COL23A1: variants seen among roughly 807,000 people sequenced by gnomAD.
COL23A1 encodes the protein collagen alpha-1(XXIII) chain.
COL23A1 carries 97 observed loss-of-function variants against 99.3 expected under a neutral mutation model. That is an observed-to-expected ratio of 0.98 (90% CI 0.83 to 1.16). The LOEUF (loss-of-function observed/expected upper bound fraction) is 1.16, where lower values mean the gene tolerates loss of function less well. COL23A1 is among the 50% of genes most tolerant of loss of function. The pLI is 0.00. For synonymous variants in COL23A1, 320 were observed against 308.2 expected (o/e 1.04, Z -0.40); for missense variants, 762 against 757.4 (o/e 1.01, Z -0.07).
chr5:178,508,418 T>C (rs1329106063), intron 2 of COL23A1, among the ~76,000 whole-genome samples: 1 of 152,212 alleles, frequency 6.6e-6, no homozygotes, highest in African/African-American at 2.4e-5. Flanking sequence ...GACAAGTAGT[T>C]GTTCATTGAA....
chr5:178,358,583 ATGTGTG>A (rs764844753), intron 2 of COL23A1, among the ~76,000 whole-genome samples: 1 of 139,492 alleles, frequency 7.2e-6, no homozygotes, highest in African/African-American at 2.7e-5. Context: ...GTGTATGTGT[ATGTGTG>A]TGTATGTGTA....
chr5:178,349,154 GC>G (rs1761159185), intron 2 of COL23A1, among the ~76,000 whole-genome samples: 1 of 152,180 alleles, frequency 6.6e-6, no homozygotes. Flanking sequence ...ATTGTTACCA[GC>G]CCCTCATCTG....
chr5:178,300,989 T>C (rs973584467), intron 3 of COL23A1, among the ~76,000 whole-genome samples: 6 of 151,712 alleles, frequency 4.0e-5, no homozygotes, highest in Non-Finnish European at 7.4e-5. Context: ...TTCTTCAAAA[T>C]TGAGAAGATT....
chr5:178,333,204 C>T (rs1233786090), intron 2 of COL23A1, among the ~76,000 whole-genome samples: 1 of 152,198 alleles, frequency 6.6e-6, no homozygotes, highest in Admixed American at 6.5e-5. Context: ...GATCCACCCA[C>T]CTCGGCCTCC....
At chr5:178,422,386 C>T (rs1183121966) in intron 2 of COL23A1, among the ~76,000 whole-genome samples, 1 of 152,212 alleles carries the variant, frequency 6.6e-6, no homozygotes, top group Non-Finnish European at 1.5e-5. Flanking sequence ...CGATGTCAGC[C>T]TTGACAGTAA....
chr5:178,510,873 T>G (rs918861781), intron 2 of COL23A1, among the ~76,000 whole-genome samples: 1 of 152,138 alleles, frequency 6.6e-6, no homozygotes, highest in African/African-American at 2.4e-5. Context: ...AAATGCCACA[T>G]GCTGAAGCGT....
chr5:178,521,224 T>C (rs1468584711), intron 2 of COL23A1, among the ~76,000 whole-genome samples: 1 of 152,206 alleles, frequency 6.6e-6, no homozygotes, highest in Non-Finnish European at 1.5e-5. Flanking sequence ...AATGTGGTTA[T>C]GGGGCACATG....
chr5:178,272,001 C>T (rs188194280), intron 5 of COL23A1, among the ~76,000 whole-genome samples: 38 of 152,332 alleles, frequency 2.5e-4, no homozygotes, highest in African/African-American at 8.2e-4. Flanking sequence ...TGGCTGAGGA[C>T]GGACTCCCAG....
chr5:178,447,460 C>T (rs376188668), intron 2 of COL23A1, among the ~76,000 whole-genome samples: 2 of 152,190 alleles, frequency 1.3e-5, no homozygotes, highest in East Asian at 3.8e-4. Context: ...GATTATAATA[C>T]CATATTTTTA....
chr5:178,502,521 C>T (rs369652865), intron 2 of COL23A1, among the ~76,000 whole-genome samples: 26 of 152,144 alleles, frequency 1.7e-4, no homozygotes, highest in East Asian at 1.2e-3. Flanking sequence ...CCTTAGTAAT[C>T]AGAGAAACTC....
At chr5:178,533,758 A>G (rs1216499870) in intron 2 of COL23A1, among the ~76,000 whole-genome samples, 5 of 152,124 alleles carry the variant, frequency 3.3e-5, no homozygotes, top group Admixed American at 3.3e-4. Flanking sequence ...CAGCCTCCCA[A>G]AGTGCTGGGA....
At chr5:178,435,509 C>G (rs1022673201) in intron 2 of COL23A1, among the ~76,000 whole-genome samples, 4 of 152,236 alleles carry the variant, frequency 2.6e-5, no homozygotes, top group Non-Finnish European at 5.9e-5. Context: ...CTCACAGCAG[C>G]TGCCATGGTG....
At chr5:178,436,183 G>T (rs530918143) in intron 2 of COL23A1, among the ~76,000 whole-genome samples, 4 of 152,304 alleles carry the variant, frequency 2.6e-5, no homozygotes, top group African/African-American at 9.6e-5. Flanking sequence ...TCCTGGAAAA[G>T]TTGGGGGTGA....
intron 2 of COL23A1, among the ~76,000 whole-genome samples, chr5:178,459,999 A>T (rs949683151): frequency 6.6e-6 from 1 of 152,224 alleles, no homozygotes; most frequent in African/African-American, 2.4e-5. Context: ...GGGTGTTTTT[A>T]AAATCTCCTT....
chr5:178,507,176 T>G (rs547313033), intron 2 of COL23A1, among the ~76,000 whole-genome samples: 54 of 152,332 alleles, frequency 3.5e-4, no homozygotes, highest in African/African-American at 1.2e-3. Flanking sequence ...CTCTACACAG[T>G]TCTGCACCTG....
intron 2 of COL23A1, among the ~76,000 whole-genome samples, chr5:178,320,379 C>A (rs2127625555): frequency 1.3e-5 from 2 of 152,276 alleles, no homozygotes; most frequent in African/African-American, 4.8e-5. Context: ...ACTGATGAGG[C>A]CCTTATGACC....
At chr5:178,559,884 G>A (rs1193716114) in intron 2 of COL23A1, among the ~76,000 whole-genome samples, 3 of 151,864 alleles carry the variant, frequency 2.0e-5, no homozygotes, top group Admixed American at 6.6e-5. Context: ...CCTGCACGTC[G>A]AGAAGTCTGA....
At chr5:178,369,249 C>A (rs1661697110) in intron 2 of COL23A1, among the ~76,000 whole-genome samples, 1 of 152,082 alleles carries the variant, frequency 6.6e-6, no homozygotes, top group African/African-American at 2.4e-5. Flanking sequence ...AACACCTTGA[C>A]CCCTGGAGAG....
At chr5:178,359,995 G>A (rs528476076) in intron 2 of COL23A1, among the ~76,000 whole-genome samples, 21 of 152,290 alleles carry the variant, frequency 1.4e-4, no homozygotes, top group African/African-American at 4.8e-4. Flanking sequence ...TTTTCCTGAG[G>A]CCAGAGCCTC....
Sources: gnomAD v4.1 joint callset for allele counts (sites outside exome capture counted in the v4.1 genomes callset) on GRCh38, gnomAD v4.1.1 for gene constraint, MANE v1.5 for transcripts, NCBI Gene and HGNC (gene_info 2026-07-23, HGNC 2026-07-21) for gene names.